MAPKAPK2: variants seen among roughly 807,000 people sequenced by gnomAD.
The protein encoded by MAPKAPK2 is MAP kinase-activated protein kinase 2.
In MAPKAPK2, 9 loss-of-function variants were observed where a neutral mutation model predicts 48.8. That is an observed-to-expected ratio of 0.18 (90% confidence interval 0.11 to 0.32). The LOEUF (loss-of-function observed/expected upper bound fraction) is 0.32. Ranked by LOEUF, MAPKAPK2 falls within the 10% of genes least tolerant of loss-of-function variation. The pLI is 1.00. For synonymous variants in MAPKAPK2, 202 were observed against 190.6 expected, an observed-to-expected ratio of 1.06 and a Z score of -0.49; for missense variants, 331 against 498.3, an observed-to-expected ratio of 0.66 and a Z score of 3.20.
Position 206,731,104 on chromosome 1 carries a change from T to A in MAPKAPK2, c.768-34T>A. The A allele has an allele frequency of 6.2e-7, 1 of 1,614,100 alleles. No individual in the cohort carries two copies. The highest frequency in any genetic ancestry group is 8.5e-7 in the Non-Finnish European group (1 of 1,179,912). ...TACAGGGCCACTAAGTGACAGCTGTTCTGTCTCCCACTTCCTTCCTCCTGT... is the reference window on the plus strand; with the variant it reads ...TACAGGGCCACTAAGTGACAGCTGTACTGTCTCCCACTTCCTTCCTCCTGT... On this transcript the variant is annotated intron_variant, in intron 6 of 9. Transcript: ENST00000367103. The surrounding 1 kb of genome is among the most constrained non-coding windows in gnomAD (Gnocchi z 5.9).
At chr1:206,718,490 C>A (rs111453830) in intron 1 of MAPKAPK2, among the ~76,000 whole-genome samples, 5,830 of 147,762 alleles carry the variant, frequency 0.039, 374 homozygotes, top group African/African-American at 0.14. Flanking sequence ...CAAGATCATG[C>A]CACTGCAGCT....
Position 206,696,057 on chromosome 1 carries a change from G to A in MAPKAPK2, c.279+10549G>A, listed in dbSNP as rs1672614780. 3.2e-6 allele frequency: 3 copies of A among 924,634 alleles called. 1 individual carries two copies. The highest frequency in any genetic ancestry group is 2.6e-5 in the South Asian group (2 of 77,354). The allele number at this position is 924,634 out of a possible 1,614,324, so 57.3% of individuals were successfully genotyped here. ...TCCCGGGCAGCCAACATAGCAGCAT[G>A]TGGTGAGGATTCATCTCACCTGCCT... On this transcript the variant is annotated intron_variant, in intron 1 of 9. Transcript: ENST00000367103.
chr1:206,730,903 T>C lies in MAPKAPK2; in HGVS notation c.767+140T>C, dbSNP rs999258220. 4.0e-6 allele frequency: 4 copies of C among 1,010,928 alleles called. No individual in the cohort carries two copies. The East Asian group carries it at 9.8e-5, about 25-fold the overall frequency. The allele number at this position is 1,010,928 out of a possible 1,614,324, so 62.6% of individuals were successfully genotyped here. The stretch of plus-strand genomic sequence containing the variant: ...TGCGTGCCCCTTCTCTCAGTTCCGA[T>C]AGCTAAGTGGCGGGTGTAAACCAGC... On this transcript the variant is annotated intron_variant, in intron 6 of 9. Coordinates refer to ENST00000367103, the MANE Select transcript of MAPKAPK2 (RefSeq NM_032960.4).
At chr1:206,730,406 G>T (rs562581254) in intron 5 of MAPKAPK2, among the ~76,000 whole-genome samples, 1 of 152,252 alleles carries the variant, frequency 6.6e-6, no homozygotes, top group Non-Finnish European at 1.5e-5. Context: ...AGCTTTCAAA[G>T]CATGTTCAGA....
At chr1:206,711,311 G>A (rs1485465497) in intron 1 of MAPKAPK2, among the ~76,000 whole-genome samples, 1 of 152,114 alleles carries the variant, frequency 6.6e-6, no homozygotes, top group Non-Finnish European at 1.5e-5. Context: ...GCGCAGTGGC[G>A]CTATCTCAGC....
chr1:206,707,520 G>T (rs1553428760), intron 1 of MAPKAPK2, among the ~76,000 whole-genome samples: 1 of 152,188 alleles, frequency 6.6e-6, no homozygotes, highest in African/African-American at 2.4e-5. Context: ...CTGGATCCCA[G>T]CACTTTTCTG....
chr1:206,715,802 A>G (rs569686095), intron 1 of MAPKAPK2, among the ~76,000 whole-genome samples: 6 of 150,554 alleles, frequency 4.0e-5, no homozygotes, highest in Admixed American at 4.0e-4. Context: ...AATTTTTTAA[A>G]TTATTCATAG....
intron 6 of MAPKAPK2, 131 bp downstream of exon 6, chr1:206,730,894 C>G: frequency 1.9e-6 from 2 of 1,041,130 alleles, no homozygotes; most frequent in South Asian, 2.8e-5. Flanking sequence ...CCCCTTCTCT[C>G]AGTTCCGATA....
intron 1 of MAPKAPK2, among the ~76,000 whole-genome samples, chr1:206,702,803 T>C (rs1553428089): frequency 6.6e-6 from 1 of 152,368 alleles, no homozygotes; most frequent in Admixed American, 6.5e-5. Flanking sequence ...CTGCCTTGCA[T>C]TTATCTGCTT....
In MAPKAPK2 at chr1:206,731,953, G is replaced by A; in HGVS notation, c.1059+34G>A. On this transcript the variant is annotated intron_variant, in intron 9 of 9. Coordinates refer to ENST00000367103, the MANE Select transcript of MAPKAPK2 (RefSeq NM_032960.4). The surrounding 1 kb of genome is among the most constrained non-coding windows in gnomAD (Gnocchi z 5.9). ...CACCACTGGGTGAGAGGGGCTCCAG[G>A]TGGGGTGGGCGGCTTGCGGGGAGTG... 6.2e-7 allele frequency: 1 copy of A among 1,614,164 alleles called. No homozygotes were observed.
At position 206,730,233 on chromosome 1, in the gene MAPKAPK2, G is replaced by C. The variant is rs112601893; in HGVS notation, c.691+135G>C. 71 of 1,061,928 alleles carry C rather than the reference G, an allele frequency of 6.7e-5. 3 individuals are homozygous for C. In the African/African-American group the frequency reaches 8.0e-4, roughly 12 times the overall value. 65.8% of individuals were successfully genotyped at this position (1,061,928 alleles called of 1,614,324 possible). On this transcript the variant is annotated intron_variant, in intron 5 of 9. Coordinates refer to ENST00000367103, the MANE Select transcript of MAPKAPK2 (RefSeq NM_032960.4). Reference sequence around the variant, plus strand: ...CCCCTTCTGGTGCTGGTTCTGCTGGGACCTGCTGAGAAGTAGGGCTTGTCA... The same window carrying C: ...CCCCTTCTGGTGCTGGTTCTGCTGGCACCTGCTGAGAAGTAGGGCTTGTCA...
rs782095181 is a variant in MAPKAPK2, at chr1:206,732,652, C to T, written c.1137C>T (p.Ser379=). 3 of 1,614,200 alleles carry T rather than the reference C, an allele frequency of 1.9e-6. No individual in the cohort carries two copies. The highest frequency in any genetic ancestry group is 2.2e-5 in the South Asian group (2 of 91,090). Residue 379 remains serine (S), a synonymous_variant, in exon 10 of 10, where the codon TCC becomes TCT. Transcript: ENST00000367103. This position sits in a 1 kb window ranked among gnomAD's most constrained non-coding sequence, Gnocchi z 4.4. ...AGATAAAAAAGATTGAAGATGCATCCAACCCTCTGCTGCTGAAGAGGCGGA... is the reference window on the plus strand; with the variant it reads ...AGATAAAAAAGATTGAAGATGCATCTAACCCTCTGCTGCTGAAGAGGCGGA... ...QIKIKKIEDA[S]NPLLLKRRKK...
At chr1:206,715,012 A>C (rs1673283589) in intron 1 of MAPKAPK2, among the ~76,000 whole-genome samples, 1 of 152,070 alleles carries the variant, frequency 6.6e-6, no homozygotes, top group South Asian at 2.1e-4. Flanking sequence ...CACTGCCAGC[A>C]GTGGTTCTGG....
At chr1:206,698,862 T>C (rs1344511474) in intron 1 of MAPKAPK2, among the ~76,000 whole-genome samples, 2 of 152,134 alleles carry the variant, frequency 1.3e-5, no homozygotes, top group Non-Finnish European at 2.9e-5. Flanking sequence ...GGTAGAGGAA[T>C]AGCAAGTGCA....
intron 1 of MAPKAPK2, among the ~76,000 whole-genome samples, chr1:206,709,719 A>G (rs1293601941): frequency 6.6e-6 from 1 of 152,008 alleles, no homozygotes; most frequent in East Asian, 1.9e-4. Flanking sequence ...CTTAATAAAA[A>G]CTCCTTGATT....
chr1:206,706,470 G>A (rs940646476), intron 1 of MAPKAPK2, among the ~76,000 whole-genome samples: 1 of 152,186 alleles, frequency 6.6e-6, no homozygotes. Context: ...ATTAGCTGCA[G>A]CTGCCAACTG....
At chr1:206,693,156 C>T (rs1672508862) in intron 1 of MAPKAPK2, among the ~76,000 whole-genome samples, 1 of 152,126 alleles carries the variant, frequency 6.6e-6, no homozygotes, top group Non-Finnish European at 1.5e-5. Flanking sequence ...TTAGGAGGCT[C>T]TCAGTACACA....
At position 206,731,134 on chromosome 1, in the gene MAPKAPK2, G is replaced by T. The variant is rs541459428; in HGVS notation, c.768-4G>T. 1 of 1,614,172 alleles carries T rather than the reference G, an allele frequency of 6.2e-7. No homozygotes were observed. On this transcript the variant is annotated splice_polypyrimidine_tract_variant and splice_region_variant and intron_variant, in intron 6 of 9. Coordinates refer to ENST00000367103, the MANE Select transcript of MAPKAPK2 (RefSeq NM_032960.4). This position sits in a 1 kb window ranked among gnomAD's most constrained non-coding sequence, Gnocchi z 5.9. ...CTCCCACTTCCTTCCTCCTGTTGAT[G>T]CAGGCTGTGTGGGTATCCCCCCTTC...
rs578023183 is a variant in MAPKAPK2, at chr1:206,685,532, G to A, written c.279+24G>A. ...AAGTAGGTCTGGGGCCCGGGGAGGGGAGGCGGGGCCGGTCCCGGGCCCTGG... is the reference window on the plus strand; with the variant it reads ...AAGTAGGTCTGGGGCCCGGGGAGGGAAGGCGGGGCCGGTCCCGGGCCCTGG... On this transcript the variant is annotated intron_variant, in intron 1 of 9. Transcript: ENST00000367103. The A allele has an allele frequency of 5.4e-6, 8 of 1,487,902 alleles. No individual in the cohort carries two copies. The South Asian group carries it at 7.2e-5, about 13-fold the overall frequency. 92.2% of individuals were successfully genotyped at this position (1,487,902 alleles called of 1,614,324 possible). A position where few individuals can be genotyped will look rare whatever the true frequency, so the allele number is the denominator to read the frequency against.
Sources: gnomAD v4.1 joint callset for allele counts (sites outside exome capture counted in the v4.1 genomes callset) on GRCh38, gnomAD v4.1.1 for gene constraint, Gnocchi (gnomAD v3.1) non-coding constraint, MANE v1.5 for transcripts, NCBI Gene and HGNC (gene_info 2026-07-23, HGNC 2026-07-21) for gene names.